Variants in TPM3 observed in about 807,000 individuals in gnomAD.
The protein encoded by TPM3 is tropomyosin 3.
TPM3 carries 16 observed loss-of-function variants against 43.1 expected under a neutral mutation model. That is an observed-to-expected ratio of 0.37 (90% CI 0.25 to 0.56). The LOEUF is 0.56. TPM3 is among the 20% of genes least tolerant of loss of function. The probability of loss-of-function intolerance (pLI) is 0.77; values close to 1 mark genes in which losing one functional copy is unlikely to be tolerated. For synonymous variants in TPM3, 101 were observed against 116.9 expected (o/e 0.86, Z 0.88); for missense variants, 176 against 337.2 (o/e 0.52, Z 3.74).
intron 5 of TPM3, 84 bp downstream of exon 5, chr1:154,172,824 A>T: frequency 6.6e-7 from 1 of 1,511,010 alleles, no homozygotes; most frequent in Non-Finnish European, 9.2e-7. Flanking sequence ...GGTTGAAGGA[A>T]TGCTAATTTA....
chr1:154,174,417 A>AC (rs1662051062), intron 3 of TPM3, among the ~76,000 whole-genome samples: 1 of 68,140 alleles, frequency 1.5e-5, no homozygotes, highest in Non-Finnish European at 3.0e-5. Flanking sequence ...TACACACAAA[A>AC]ATCCCATCCC....
Position 154,166,545 on chromosome 1 carries a change from C to A in TPM3, c.*1392G>T. On this transcript the variant is annotated 3_prime_UTR_variant, in exon 10 of 10. Transcript: ENST00000651641. Reference sequence around the variant, plus strand: ...GCAGTACAGGCAAGTGCCATTGCACCCAGCTAAAAGAAAAGCAAATTTTAA... The same window carrying A: ...GCAGTACAGGCAAGTGCCATTGCACACAGCTAAAAGAAAAGCAAATTTTAA... 1 of 1,057,512 alleles carries A rather than the reference C, an allele frequency of 9.5e-7. No individual in the cohort carries two copies. The highest frequency in any genetic ancestry group is 1.1e-6 in the Non-Finnish European group (1 of 874,478). The allele number at this position is 1,057,512 out of a possible 1,614,324, so 65.5% of individuals were successfully genotyped here.
rs1234901199 is a variant in TPM3 at position 154,167,375 on chromosome 1, T to C, written c.*562A>G. 1 of 1,060,620 alleles carries C rather than the reference T, an allele frequency of 9.4e-7. No individual in the cohort carries two copies. The highest frequency in any genetic ancestry group is 1.1e-6 in the Non-Finnish European group (1 of 876,386). The allele number at this position is 1,060,620 out of a possible 1,614,324, so 65.7% of individuals were successfully genotyped here. A position where few individuals can be genotyped will look rare whatever the true frequency, so the allele number is the denominator to read the frequency against. ...GAACCACCGGTAAAAGGGTACAGAA[T>C]GTGTATTGAGAGTCACTTCAATGGC... On this transcript the variant is annotated 3_prime_UTR_variant, in exon 10 of 10. Coordinates refer to ENST00000651641, the MANE Select transcript of TPM3 (RefSeq NM_152263.4).
At chr1:154,191,526 C>G in intron 1 of TPM3, 1 of 1,297,274 alleles carries the variant, frequency 7.7e-7, no homozygotes, top group Non-Finnish European at 1.0e-6. Flanking sequence ...CCAAGCCATC[C>G]TGGGTTTTCA....
rs1393909654 is a variant in TPM3 at position 154,183,215 on chromosome 1, A to C, written c.244-6967T>G. ...CCTTACTTCCGCCTGCTACGCCCTGAAATACCGGAACTCACCAACCCGCCC... is the reference window on the plus strand; with the variant it reads ...CCTTACTTCCGCCTGCTACGCCCTGCAATACCGGAACTCACCAACCCGCCC... On this transcript the variant is annotated intron_variant, in intron 2 of 9. Transcript: ENST00000651641. The C allele has an allele frequency of 1.9e-6, 3 of 1,567,226 alleles. No individual in the cohort carries two copies. The African/African-American group carries it at 4.1e-5, about 21-fold the overall frequency.
chr1:154,161,690 G>A (rs936082308), downstream of TPM3, among the ~76,000 whole-genome samples: 6 of 151,686 alleles, frequency 4.0e-5, no homozygotes, highest in East Asian at 1.9e-4. Context: ...TGATCTGCCC[G>A]CCTCCCAAAG....
intron 2 of TPM3, among the ~76,000 whole-genome samples, chr1:154,185,313 C>T (rs1407325742): frequency 2.7e-5 from 4 of 148,042 alleles, no homozygotes; most frequent in Admixed American, 2.7e-4. Flanking sequence ...GCAGAGGTTG[C>T]AGTGAGCTGA....
At chr1:154,170,270 C>T in intron 8 of TPM3, 130 bp downstream of exon 8, 2 of 973,512 alleles carry the variant, frequency 2.1e-6, no homozygotes, top group Non-Finnish European at 1.6e-6. Context: ...TGGCATAGGA[C>T]AGTGCACATG....
chr1:154,168,358 C>T (rs1661209564), intron 9 of TPM3, among the ~76,000 whole-genome samples: 1 of 152,118 alleles, frequency 6.6e-6, no homozygotes, highest in Non-Finnish European at 1.5e-5. Context: ...CTCTGTGGGC[C>T]CTATTTCCTT....
intron 9 of TPM3, 106 bp downstream of exon 9, chr1:154,169,199 T>C: frequency 8.7e-7 from 1 of 1,153,668 alleles, no homozygotes. Context: ...AGGGTGGAGA[T>C]TCTAGTTTCC....
downstream of TPM3, among the ~76,000 whole-genome samples, chr1:154,158,051 C>CCACA (rs1335798616): frequency 3.9e-5 from 6 of 152,120 alleles, no homozygotes; most frequent in African/African-American, 4.8e-5. Flanking sequence ...TAGGTTTTGC[C>CCACA]CACATAACAA....
chr1:154,161,131 T>TAAAAAAAAAAAAA (rs953940037), downstream of TPM3, among the ~76,000 whole-genome samples: 8 of 85,090 alleles, frequency 9.4e-5, no homozygotes, highest in African/African-American at 1.8e-4. Flanking sequence ...ATGCAAATAT[T>TAAAAAAAAAAAAA]AAAAAAAAAA....
chr1:154,165,498 T>C lies in TPM3; in HGVS notation c.*2439A>G, dbSNP rs1660841234. ...CCCAATAAAAATGAATATGCAAGTT[T>C]AACATGTTGGCTGGGCGCAGTGGCT... On this transcript the variant is annotated 3_prime_UTR_variant, in exon 10 of 10. Coordinates refer to ENST00000651641, the MANE Select transcript of TPM3 (RefSeq NM_152263.4). Among the ~76,000 whole-genome samples, 1 of 150,264 alleles carries C rather than the reference T, an allele frequency of 6.7e-6. No individual in the cohort carries two copies. Among genetic ancestry groups the C allele is most frequent in the Non-Finnish European group, 1.5e-5 (1 of 67,512 alleles).
intron 3 of TPM3, 43 bp from the exon 4 acceptor site, chr1:154,173,244 T>A: frequency 1.3e-6 from 2 of 1,526,938 alleles, no homozygotes; most frequent in Non-Finnish European, 1.8e-6. Flanking sequence ...CCCTGAGGAG[T>A]GTGTCGTCAG....
Position 154,166,328 on chromosome 1 carries a change from G to A in TPM3, c.*1609C>T, listed in dbSNP as rs934028345. On this transcript the variant is annotated 3_prime_UTR_variant, in exon 10 of 10. Coordinates refer to ENST00000651641, the MANE Select transcript of TPM3 (RefSeq NM_152263.4). ...GCAATCCCACTACTGATCAGCACAG[G>A]AATTTTGACCTGCTCCATTTCCGAC... 4 of 231,032 alleles carry A rather than the reference G, an allele frequency of 1.7e-5. No homozygotes were observed. Among genetic ancestry groups the A allele is most frequent in the African/African-American group, 8.9e-5 (4 of 45,034 alleles). 14.3% of individuals were successfully genotyped at this position (231,032 alleles called of 1,614,324 possible).
rs1558068421 is a variant in TPM3, at chr1:154,191,193, G to A, written c.236C>T (p.Ala79Val). 3 of 1,614,034 alleles carry A rather than the reference G, an allele frequency of 1.9e-6. No homozygotes were observed. The highest frequency in any genetic ancestry group is 1.1e-5 in the South Asian group (1 of 91,096). Reference sequence around the variant, plus strand: ...CATCTCTCTAATACTCACATCAGCAGCCTTCTTCTCTGCCAGTTCCAGCTT... The same window carrying A: ...CATCTCTCTAATACTCACATCAGCAACCTTCTTCTCTGCCAGTTCCAGCTT... ...QEKLELAEKK[A>V]ADAEAEVASL... Residue 79 changes from alanine (A) to valine (V), a missense_variant, in exon 2 of 10, where the codon GCT (alanine) becomes GTT (valine). By Grantham distance (64) the Ala-to-Val change is moderately conservative. Transcript: ENST00000651641.
chr1:154,187,787 G>A lies in TPM3; in HGVS notation c.243+3399C>T, dbSNP rs759455287. On this transcript the variant is annotated intron_variant, in intron 2 of 9. Coordinates refer to ENST00000651641, the MANE Select transcript of TPM3 (RefSeq NM_152263.4). ...ACCTCCTCAAGCCCACATACTAGCC[G>A]TTTCAGCCTAAGAGCAGACCCAGAT... Among the ~76,000 whole-genome samples the A allele has an allele frequency of 3.3e-5, 5 of 151,574 alleles. No individual in the cohort carries two copies. In the South Asian group the frequency reaches 8.3e-4, roughly 25 times the overall value.
intron 6 of TPM3, 30 bp from the exon 7 acceptor site, chr1:154,170,741 AGTAGAAATTAGTCACACAGG>A: frequency 6.8e-7 from 1 of 1,475,618 alleles, no homozygotes; most frequent in Non-Finnish European, 9.4e-7. Flanking sequence ...AAAATTTCAG[AGTAGAAATTAGTCACACAGG>A]CAATACCCCC....
chr1:154,162,142 G>A lies in TPM3; in HGVS notation c.*5795C>T, dbSNP rs981377315. Among the ~76,000 whole-genome samples, 21 of 152,034 alleles carry A rather than the reference G, an allele frequency of 1.4e-4. 2 individuals are homozygous for A. Among genetic ancestry groups the A allele is most frequent in the Admixed American group, 1.0e-3 (16 of 15,256 alleles). On this transcript the variant is annotated 3_prime_UTR_variant, in exon 10 of 10. Coordinates refer to ENST00000651641, the MANE Select transcript of TPM3 (RefSeq NM_152263.4). Reference sequence around the variant, plus strand: ...CCCCAGCACTTTGGAAGGCCGAGGCGGGCAGATCACGAGGTCAGGAGTTTG... The same window carrying A: ...CCCCAGCACTTTGGAAGGCCGAGGCAGGCAGATCACGAGGTCAGGAGTTTG...
Sources: gnomAD v4.1 joint callset for allele counts (sites outside exome capture counted in the v4.1 genomes callset) on GRCh38, gnomAD v4.1.1 for gene constraint, MANE v1.5 for transcripts, NCBI Gene and HGNC (gene_info 2026-07-23, HGNC 2026-07-21) for gene names.